Variants in PIGN observed in about 807,000 individuals in gnomAD.
PIGN encodes the protein GPI ethanolamine phosphate transferase 1.
PIGN carries 117 observed loss-of-function variants against 125.4 expected under a neutral mutation model. That is an observed-to-expected ratio of 0.93 (90% confidence interval 0.80 to 1.09). PIGN has a LOEUF of 1.09. Among genes scored for constraint, PIGN ranks in the 50% least tolerant of loss-of-function variants. PIGN has a pLI of 0.00. For missense variants in PIGN, 1,075 were observed against 1,094.9 expected (o/e 0.98, Z 0.26); for synonymous variants, 392 against 377.8 (o/e 1.04, Z -0.44).
intron 1 of PIGN, among the ~76,000 whole-genome samples, chr18:62,175,240 T>C (rs2037485100): frequency 6.6e-6 from 1 of 151,626 alleles, no homozygotes; most frequent in Admixed American, 6.6e-5. Context: ...AACTTCCAAA[T>C]GGTTTCCCTA....
chr18:62,140,506 G>A (rs1218090688), intron 11 of PIGN, 27 bp from the exon 12 acceptor site: 1 of 1,229,624 alleles, frequency 8.1e-7, no homozygotes, highest in Non-Finnish European at 1.2e-6. Context: ...TCAATTCTAA[G>A]AAGTCTATGG....
At chr18:62,036,602 C>T (rs2030264089), downstream of PIGN, among the ~76,000 whole-genome samples, 1 of 152,166 alleles carries the variant, frequency 6.6e-6, no homozygotes, top group Admixed American at 6.5e-5. Flanking sequence ...ATGGAGAGAT[C>T]CTAAACTAGG....
At chr18:62,077,701 TCTCA>T (rs1282992177) in intron 28 of PIGN, among the ~76,000 whole-genome samples, 2 of 152,194 alleles carry the variant, frequency 1.3e-5, no homozygotes, top group African/African-American at 2.4e-5. Flanking sequence ...TCGGTTTCAT[TCTCA>T]CTCCTTAAAC....
intron 21 of PIGN, among the ~76,000 whole-genome samples, chr18:62,101,618 A>G (rs1282642675): frequency 6.6e-6 from 1 of 152,168 alleles, no homozygotes; most frequent in Non-Finnish European, 1.5e-5. Context: ...TTCTCTTTTT[A>G]TAAGTTCCCT....
intron 30 of PIGN, among the ~76,000 whole-genome samples, chr18:62,063,222 T>C (rs2032291289): frequency 6.7e-6 from 1 of 148,200 alleles, no homozygotes; most frequent in Non-Finnish European, 1.5e-5. Flanking sequence ...AAATCTATGG[T>C]TTTATAGATT....
chr18:62,020,523 G>A (rs1476156239), intron 23 of PIGN, among the ~76,000 whole-genome samples: 8 of 150,318 alleles, frequency 5.3e-5, no homozygotes, highest in African/African-American at 1.9e-4. Context: ...TTTTTTTAAT[G>A]GACTAAAGAT....
chr18:62,070,221 A>C (rs867698636), intron 30 of PIGN: 1 of 392,906 alleles, frequency 2.5e-6, no homozygotes, highest in Non-Finnish European at 4.5e-6. Context: ...AATGAGATTC[A>C]AACCCAGGCG....
At chr18:62,019,669 C>G (rs2030027491) in intron 23 of PIGN, among the ~76,000 whole-genome samples, 2 of 150,746 alleles carry the variant, frequency 1.3e-5, no homozygotes, top group Admixed American at 1.3e-4. Flanking sequence ...ATTTGTTCCT[C>G]AGGGAAGCCT....
At chr18:62,120,517 A>G (rs1247155405) in intron 14 of PIGN, among the ~76,000 whole-genome samples, 1 of 152,202 alleles carries the variant, frequency 6.6e-6, no homozygotes, top group Non-Finnish European at 1.5e-5. Flanking sequence ...AAATCTAAAT[A>G]AATGTTGATA....
At chr18:62,110,049 G>C in intron 16 of PIGN, 76 bp from the exon 17 acceptor site, 1 of 1,400,522 alleles carries the variant, frequency 7.1e-7, no homozygotes, top group Non-Finnish European at 1.0e-6. Flanking sequence ...ATTTTATAAA[G>C]TAAAGAAAAC....
intron 7 of PIGN, chr18:62,154,141 T>G (rs2147443560): frequency 5.0e-6 from 1 of 199,872 alleles, no homozygotes; most frequent in South Asian, 1.9e-4. Flanking sequence ...CTTTAAAGTA[T>G]TTTTTAAAAA....
intron 17 of PIGN, among the ~76,000 whole-genome samples, chr18:62,109,038 A>G (rs2034768490): frequency 2.6e-5 from 4 of 152,188 alleles, no homozygotes; most frequent in Admixed American, 2.0e-4. Context: ...ATAGGCTCTC[A>G]TTCTTTCATT....
chr18:62,067,592 TC>T (rs1456684724), intron 30 of PIGN, among the ~76,000 whole-genome samples: 1 of 152,222 alleles, frequency 6.6e-6, no homozygotes, highest in Non-Finnish European at 1.5e-5. Flanking sequence ...CTCTTACATA[TC>T]TGGTTTCTTT....
chr18:62,066,557 G>C (rs577336160), intron 30 of PIGN, among the ~76,000 whole-genome samples: 39 of 152,324 alleles, frequency 2.6e-4, no homozygotes, highest in African/African-American at 9.4e-4. Context: ...ACTCAAGTTT[G>C]AGCTTCTATC....
intron 23 of PIGN, among the ~76,000 whole-genome samples, chr18:62,035,589 CA>C (rs2030248799): frequency 1.3e-5 from 2 of 152,026 alleles, no homozygotes; most frequent in South Asian, 4.2e-4. Context: ...AGGTTTGTTA[CA>C]TATGTATACA....
At chr18:62,102,355 C>G (rs1220752704) in intron 21 of PIGN, among the ~76,000 whole-genome samples, 1 of 149,448 alleles carries the variant, frequency 6.7e-6, no homozygotes, top group Non-Finnish European at 1.5e-5. Flanking sequence ...AAGTTATTTT[C>G]ACCACACCAA....
intron 4 of PIGN, among the ~76,000 whole-genome samples, chr18:62,159,205 T>C (rs1293507702): frequency 1.3e-5 from 2 of 152,050 alleles, no homozygotes; most frequent in African/African-American, 2.4e-5. Flanking sequence ...GATTGCACCA[T>C]TGCACTCCAG....
chr18:62,065,541 A>G (rs532627896), intron 30 of PIGN, among the ~76,000 whole-genome samples: 1 of 152,170 alleles, frequency 6.6e-6, no homozygotes, highest in South Asian at 2.1e-4. Flanking sequence ...TATCGAGACC[A>G]TCCTGGCTAA....
At chr18:62,072,926 C>A (rs1464340417) in intron 29 of PIGN, among the ~76,000 whole-genome samples, 1 of 151,932 alleles carries the variant, frequency 6.6e-6, no homozygotes, top group Admixed American at 6.6e-5. Context: ...ATAGAATTAT[C>A]AATCAAATGA....
Sources: allele counts gnomAD v4.1 joint callset (sites outside exome capture counted in the v4.1 genomes callset), GRCh38; gene constraint gnomAD v4.1.1; transcripts MANE v1.5; gene names NCBI Gene and HGNC (gene_info 2026-07-23, HGNC 2026-07-21).